The following LRRC66 variants were observed in gnomAD, a reference collection of about 807,000 sequenced individuals.
The protein encoded by LRRC66 is leucine rich repeat containing 66.
Under a neutral mutation model 24.6 loss-of-function variants are expected in LRRC66, and 29 were observed. The ratio of observed to expected loss-of-function variants is 1.18; its 90% CI spans 0.88 to 1.61. LRRC66 has a LOEUF of 1.61. Ranked by LOEUF, LRRC66 falls within the 40% of genes most tolerant of loss-of-function variation. The pLI is 0.00. For synonymous variants in LRRC66, 411 were observed against 397.6 expected (o/e 1.03, Z -0.40); for missense variants, 1,124 against 1,058.0 (o/e 1.06, Z -0.87).
At chr4:52,005,425 G>T (rs1024578402) in intron 2 of LRRC66, among the ~76,000 whole-genome samples, 6 of 152,134 alleles carry the variant, frequency 3.9e-5, no homozygotes, top group Non-Finnish European at 8.8e-5. Context: ...CTTGAGGTCA[G>T]GAGTTCAAGA....
At position 52,003,414 on chromosome 4, in the gene LRRC66, T is replaced by C. The variant is rs746732713; in HGVS notation, c.497-22A>G. The C allele has an allele frequency of 4.4e-6, 7 of 1,603,188 alleles. No individual in the cohort carries two copies. The African/African-American group carries it at 6.7e-5, about 15-fold the overall frequency. On this transcript the variant is annotated intron_variant, in intron 2 of 4. Transcript: ENST00000682860. ...AGTCCTGTTAAAATGAAAAAGTAAG[T>C]TGAAATCTAAACTGGTAAAATTTAC...
At chr4:51,996,256 C>A (rs1736315169) in intron 4 of LRRC66, 91 bp from the exon 5 acceptor site, 4 of 1,315,100 alleles carry the variant, frequency 3.0e-6, no homozygotes, top group Non-Finnish European at 4.1e-6. Flanking sequence ...GAAAAAAATT[C>A]AATTTTTTTG....
chr4:52,006,754 A>C (rs907521256), intron 2 of LRRC66, among the ~76,000 whole-genome samples: 1 of 149,556 alleles, frequency 6.7e-6, no homozygotes, highest in Non-Finnish European at 1.5e-5. Flanking sequence ...ACAAAAAAAC[A>C]AAAAAAAAGT....
At position 51,994,864 on chromosome 4, in the gene LRRC66, T is replaced by C; in HGVS notation, c.2158A>G (p.Ser720Gly). 1 of 1,614,166 alleles carries C rather than the reference T, an allele frequency of 6.2e-7. No homozygotes were observed. Residue 720 changes from serine to glycine, a missense_variant, in exon 5 of 5, where the codon AGT (serine) becomes GGT (glycine). By Grantham distance (56) the Ser-to-Gly change is moderately conservative. Transcript: ENST00000682860. The stretch of plus-strand genomic sequence containing the variant: ...GCCTCTTCAGTCTTGCTCCTTGCAC[T>C]CTCTGAACTTATGGAGCTCAGAGTG... ...LFTLSSISSE[S>G]ARSKTEEAVP...
At chr4:52,003,099 C>T in intron 3 of LRRC66, 124 bp downstream of exon 3, 1 of 728,590 alleles carries the variant, frequency 1.4e-6, no homozygotes. Context: ...TTAAAATAGA[C>T]TAACAGTTTT....
chr4:51,997,869 G>A lies in LRRC66; in HGVS notation c.735C>T (p.Pro245=), dbSNP rs773142401. The part of the protein sequence containing the change: ...LPMMIIALEF[P]HLVVDLADNN... ...TATCAGCCAAGTCAACCACTAGATG[G>A]GGAAATTCTAGAGCTATGATCATCA... is the stretch of plus-strand genomic sequence containing the variant. Residue 245 remains proline (P), a synonymous_variant, in exon 4 of 5, where the codon CCC becomes CCT. Coordinates refer to ENST00000682860, the MANE Select transcript of LRRC66 (RefSeq NM_001024611.3). The A allele has an allele frequency of 1.2e-6, 2 of 1,614,020 alleles. No homozygotes were observed. The highest frequency in any genetic ancestry group is 8.5e-7 in the Non-Finnish European group (1 of 1,179,962).
rs553057297 is a variant in LRRC66, at chr4:52,009,229, G to A, written c.497-5837C>T. Among the ~76,000 whole-genome samples, 9 of 152,192 alleles carry A rather than the reference G, an allele frequency of 5.9e-5. No homozygotes were observed. The East Asian group carries it at 9.6e-4, about 16-fold the overall frequency. ...CATCACATATCAAAATTTGTGGGAC[G>A]TAGCTAAAGCCATTTTTAGAGGCAA... On this transcript the variant is annotated intron_variant, in intron 2 of 4. Coordinates refer to ENST00000682860, the MANE Select transcript of LRRC66 (RefSeq NM_001024611.3).
chr4:51,999,632 T>C (rs899063798), intron 3 of LRRC66, among the ~76,000 whole-genome samples: 13 of 152,192 alleles, frequency 8.5e-5, no homozygotes, highest in Admixed American at 5.9e-4. Flanking sequence ...TCTACATTTA[T>C]TTTTTGTCCT....
chr4:52,005,607 A>C lies in LRRC66; in HGVS notation c.497-2215T>G, dbSNP rs1277673376. ...TGTCTCAAACAAACAAACAACAAAAAAAAAAAAACAGGAAAACAAAGGATA... is the reference window on the plus strand; with the variant it reads ...TGTCTCAAACAAACAAACAACAAAACAAAAAAAACAGGAAAACAAAGGATA... On this transcript the variant is annotated intron_variant, in intron 2 of 4. Coordinates refer to ENST00000682860, the MANE Select transcript of LRRC66 (RefSeq NM_001024611.3). 1.7e-4 allele frequency among the ~76,000 whole-genome samples: 20 copies of C among 116,102 alleles called. 1 individual carries two copies. Among genetic ancestry groups the C allele is most frequent in the South Asian group, 7.5e-4 (3 of 4,006 alleles). The allele number at this position is 116,102 out of a possible 152,430, so 76.2% of individuals were successfully genotyped here. A position where few individuals can be genotyped will look rare whatever the true frequency, so the allele number is the denominator to read the frequency against.
chr4:52,004,899 C>A (rs1736538924), intron 2 of LRRC66, among the ~76,000 whole-genome samples: 1 of 152,186 alleles, frequency 6.6e-6, no homozygotes. Flanking sequence ...AGCATAGAAT[C>A]TTTACTCTTT....
intron 2 of LRRC66, among the ~76,000 whole-genome samples, chr4:52,014,161 A>C (rs1736760153): frequency 6.6e-6 from 1 of 152,206 alleles, no homozygotes; most frequent in South Asian, 2.1e-4. Flanking sequence ...CTGAGGCAGA[A>C]GAATCGCTTG....
At position 51,994,255 on chromosome 4, in the gene LRRC66, T is replaced by A; in HGVS notation, c.*124A>T. ...CACAAAACCCTCATTTGCATCAGTG[T>A]CCACTTGGTTGGAATTCATGTTGTC... On this transcript the variant is annotated 3_prime_UTR_variant, in exon 5 of 5. Coordinates refer to ENST00000682860, the MANE Select transcript of LRRC66 (RefSeq NM_001024611.3). 1 of 903,666 alleles carries A rather than the reference T, an allele frequency of 1.1e-6. No homozygotes were observed. Among genetic ancestry groups the A allele is most frequent in the Non-Finnish European group, 1.6e-6 (1 of 612,270 alleles). The allele number at this position is 903,666 out of a possible 1,614,324, so 56.0% of individuals were successfully genotyped here.
chr4:51,994,891 ACAGAGACCC>A lies in LRRC66; in HGVS notation c.2122_2130del (p.Gly708_Leu710del), dbSNP rs753774638. ...TCTGAACTTATGGAGCTCAGAGTGAACAGAGACCCCTCATCAGAGTCACAGTCACTCTCC... is the reference window on the plus strand; with the variant it reads ...TCTGAACTTATGGAGCTCAGAGTGAACTCATCAGAGTCACAGTCACTCTCC... On this transcript the variant is annotated inframe_deletion, in exon 5 of 5. Transcript: ENST00000682860. 1 of 1,614,138 alleles carries A rather than the reference ACAGAGACCC, an allele frequency of 6.2e-7. No individual in the cohort carries two copies. Among genetic ancestry groups the A allele is most frequent in the South Asian group, 1.1e-5 (1 of 91,084 alleles).
At chr4:52,002,352 G>A (rs4864836) in intron 3 of LRRC66, among the ~76,000 whole-genome samples, 66,397 of 151,778 alleles carry the variant, frequency 0.44, 17,052 homozygotes, top group Non-Finnish European at 0.58. Flanking sequence ...GGGAGTTGTC[G>A]TGGAGGTTAT....
At chr4:52,003,526 A>C in intron 2 of LRRC66, 134 bp from the exon 3 acceptor site, 1 of 647,756 alleles carries the variant, frequency 1.5e-6, no homozygotes, top group East Asian at 2.8e-5. Flanking sequence ...TGGTATATTA[A>C]TACTATGAAA....
intron 2 of LRRC66, among the ~76,000 whole-genome samples, chr4:52,014,000 T>A (rs1235736748): frequency 6.6e-6 from 1 of 152,242 alleles, no homozygotes; most frequent in African/African-American, 2.4e-5. Flanking sequence ...ACGCCTCTAA[T>A]CCCAGCACTT....
intron 4 of LRRC66, 57 bp from the exon 5 acceptor site, chr4:51,996,222 G>A (rs977590741): frequency 1.4e-6 from 2 of 1,451,750 alleles, no homozygotes; most frequent in Non-Finnish European, 1.8e-6. Flanking sequence ...AGATTTCAGG[G>A]GTTTTTCTCT....
chr4:51,995,048 G>T lies in LRRC66; in HGVS notation c.1974C>A (p.Tyr658Ter). The change falls in exon 5 of 5, where the codon TAC becomes TAA. Residue 658 changes from tyrosine to a stop codon, truncating the protein, a stop_gained. Transcript: ENST00000682860. LOFTEE classifies it low-confidence loss of function (END_TRUNC). ...ALSAHYSEVP[Y>*]GDPRDTGPSV... ...ATGGGCCTGTGTCTCTTGGGTCACC[G>T]TATGGAACCTCGCTGTAGTGGGCTG... The T allele has an allele frequency of 6.2e-7, 1 of 1,614,112 alleles. No individual in the cohort carries two copies. Among genetic ancestry groups the T allele is most frequent in the Non-Finnish European group, 8.5e-7 (1 of 1,180,038 alleles).
At chr4:52,017,901 A>G in intron 1 of LRRC66, 1 of 985,456 alleles carries the variant, frequency 1.0e-6, no homozygotes, top group South Asian at 4.7e-5. Context: ...CTGCTTTTCC[A>G]GTAGTTTTCA....
Sources: allele counts gnomAD v4.1 joint callset (sites outside exome capture counted in the v4.1 genomes callset), GRCh38; gene constraint gnomAD v4.1.1; transcripts MANE v1.5; gene names NCBI Gene and HGNC (gene_info 2026-07-23, HGNC 2026-07-21).